The following SMYD3 variants were observed in gnomAD, a reference collection of about 807,000 sequenced individuals.
The protein encoded by SMYD3 is SET and MYND domain containing 3.
Under a neutral mutation model 57.7 loss-of-function variants are expected in SMYD3, and 36 were observed. The ratio of observed to expected loss-of-function variants is 0.62; its 90% CI spans 0.48 to 0.82. The LOEUF (loss-of-function observed/expected upper bound fraction) is 0.82. Among genes scored for constraint, SMYD3 ranks in the 40% least tolerant of loss-of-function variants. The pLI is 0.00. For synonymous variants in SMYD3, 211 were observed against 195.0 expected (o/e 1.08, Z -0.68); for missense variants, 515 against 538.8 (o/e 0.96, Z 0.44).
In SMYD3 at chr1:245,790,712, C is replaced by A. The variant is rs147364704; in HGVS notation, c.1077-26563G>T. Among the ~76,000 whole-genome samples, 435 of 152,320 alleles carry A rather than the reference C, an allele frequency of 2.9e-3. 3 individuals carry two copies. The highest frequency in any genetic ancestry group is 0.014 in the Middle Eastern group (4 of 294). On this transcript the variant is annotated intron_variant, in intron 10 of 11. Transcript: ENST00000490107. ...GTGTACTCTGTGATTCTTTGGCTAA[C>A]TGAACCATTTGCATGGACACTGCTA...
At chr1:246,229,032 G>A (rs1038445526) in intron 5 of SMYD3, among the ~76,000 whole-genome samples, 3 of 151,912 alleles carry the variant, frequency 2.0e-5, no homozygotes, top group African/African-American at 7.3e-5. Flanking sequence ...CAACCTAATG[G>A]GGCTGTAACA....
intron 5 of SMYD3, among the ~76,000 whole-genome samples, chr1:246,123,106 A>G (rs1454681119): frequency 6.6e-6 from 1 of 152,200 alleles, no homozygotes; most frequent in Admixed American, 6.5e-5. Flanking sequence ...TGAAAATTGA[A>G]TAACAATTAC....
chr1:245,870,204 G>C (rs1381831311), intron 8 of SMYD3, among the ~76,000 whole-genome samples: 1 of 152,164 alleles, frequency 6.6e-6, no homozygotes, highest in Non-Finnish European at 1.5e-5. Flanking sequence ...CAAGACAACA[G>C]GTTGTTCCTT....
chr1:245,783,327 C>T (rs1452413810), intron 10 of SMYD3, among the ~76,000 whole-genome samples: 3 of 152,152 alleles, frequency 2.0e-5, no homozygotes, highest in Non-Finnish European at 2.9e-5. Context: ...GATAAAAATA[C>T]ACTGGATTGT....
At chr1:246,289,957 C>T (rs1383346251) in intron 5 of SMYD3, among the ~76,000 whole-genome samples, 1 of 152,090 alleles carries the variant, frequency 6.6e-6, no homozygotes, top group East Asian at 1.9e-4. Context: ...AGTGTGTGGG[C>T]CTGTGAGGAA....
At chr1:246,217,552 A>C (rs2063184032) in intron 5 of SMYD3, among the ~76,000 whole-genome samples, 1 of 152,108 alleles carries the variant, frequency 6.6e-6, no homozygotes. Flanking sequence ...AAACAAAGAA[A>C]CAAAGATCAG....
intron 5 of SMYD3, among the ~76,000 whole-genome samples, chr1:246,221,702 G>C (rs2063257192): frequency 6.6e-6 from 1 of 152,220 alleles, no homozygotes. Flanking sequence ...GCAGCAGCTG[G>C]TGTGTCTGAC....
chr1:246,290,422 T>C (rs2064666806), intron 5 of SMYD3, among the ~76,000 whole-genome samples: 1 of 152,250 alleles, frequency 6.6e-6, no homozygotes, highest in African/African-American at 2.4e-5. Flanking sequence ...TCTTAAATTA[T>C]GAACTCCTTA....
chr1:246,262,728 T>C (rs1164483713), intron 5 of SMYD3, among the ~76,000 whole-genome samples: 3 of 152,210 alleles, frequency 2.0e-5, no homozygotes, highest in Non-Finnish European at 4.4e-5. Flanking sequence ...ACTGAATTAT[T>C]TGGTTAATTT....
At chr1:246,337,172 G>A (rs890456774) in intron 2 of SMYD3, among the ~76,000 whole-genome samples, 11 of 152,198 alleles carry the variant, frequency 7.2e-5, no homozygotes, top group Admixed American at 6.5e-5. Context: ...ACCAATGTGT[G>A]TAAGAGGCCT....
chr1:246,394,211 T>C (rs2066618958), intron 1 of SMYD3, among the ~76,000 whole-genome samples: 2 of 152,248 alleles, frequency 1.3e-5, no homozygotes, highest in Non-Finnish European at 2.9e-5. Context: ...AGCACAGCTA[T>C]GTAGTATGTA....
intron 1 of SMYD3, among the ~76,000 whole-genome samples, chr1:246,420,946 T>C (rs1225239066): frequency 6.6e-6 from 1 of 152,202 alleles, no homozygotes; most frequent in Non-Finnish European, 1.5e-5. Flanking sequence ...TTCTAGGCAG[T>C]CCAGTTACTA....
chr1:246,355,102 GA>G lies in SMYD3; in HGVS notation c.165-9del, dbSNP rs753061278. Reference sequence around the variant, plus strand: ...CGCATCAGCTTTTCCTTCCTGTGGGGAAAAAAATTAATTCTGCATTAAGAAA... The same window carrying G: ...CGCATCAGCTTTTCCTTCCTGTGGGGAAAAAATTAATTCTGCATTAAGAAA... On this transcript the variant is annotated splice_polypyrimidine_tract_variant and intron_variant, in intron 1 of 11. Coordinates refer to ENST00000490107, the MANE Select transcript of SMYD3 (RefSeq NM_001167740.2). This position sits in a 1 kb window ranked among gnomAD's most constrained non-coding sequence, Gnocchi z 5.0. 4 of 1,613,628 alleles carry G rather than the reference GA, an allele frequency of 2.5e-6. No individual in the cohort carries two copies. Among genetic ancestry groups the G allele is most frequent in the East Asian group, 2.2e-5 (1 of 44,880 alleles).
chr1:246,064,230 C>T (rs1197289313), intron 5 of SMYD3, among the ~76,000 whole-genome samples: 2 of 152,132 alleles, frequency 1.3e-5, no homozygotes, highest in Non-Finnish European at 2.9e-5. Context: ...AGGCTCTTTG[C>T]CGGGAAGGCT....
At chr1:246,363,919 A>C (rs866002898) in intron 1 of SMYD3, among the ~76,000 whole-genome samples, 48 of 152,100 alleles carry the variant, frequency 3.2e-4, no homozygotes, top group South Asian at 2.1e-3. Context: ...AATGATCAAT[A>C]AAAAAATAAA....
chr1:245,983,146 C>T lies in SMYD3; in HGVS notation c.532-53209G>A, dbSNP rs151040813. On this transcript the variant is annotated intron_variant, in intron 5 of 11. Transcript: ENST00000490107. Reference sequence around the variant, plus strand: ...TGAAGGTCTTCACAGAGACAAGATGCCTCATCTCCCTGGCCTTATTTTGTG... The same window carrying T: ...TGAAGGTCTTCACAGAGACAAGATGTCTCATCTCCCTGGCCTTATTTTGTG... Among the ~76,000 whole-genome samples the T allele has an allele frequency of 1.4e-3, 212 of 152,276 alleles. 2 individuals are homozygous for T. The highest frequency in any genetic ancestry group is 4.9e-3 in the African/African-American group (203 of 41,572).
At chr1:246,091,494 A>C (rs77968243) in intron 5 of SMYD3, among the ~76,000 whole-genome samples, 2 of 37,294 alleles carry the variant, frequency 5.4e-5, no homozygotes, top group Non-Finnish European at 1.3e-4. Flanking sequence ...CCTCAGCACA[A>C]AAAAAAAAAA....
At chr1:246,320,082 C>T (rs927424629) in intron 5 of SMYD3, among the ~76,000 whole-genome samples, 2 of 151,910 alleles carry the variant, frequency 1.3e-5, no homozygotes, top group African/African-American at 2.4e-5. Flanking sequence ...TATTAAATCG[C>T]GATTTCTTAT....
intron 1 of SMYD3, among the ~76,000 whole-genome samples, chr1:246,429,560 A>G (rs1558461146): frequency 6.6e-6 from 1 of 152,254 alleles, no homozygotes; most frequent in Non-Finnish European, 1.5e-5. Context: ...ACATAAGTCT[A>G]GGCTATGACT....
Sources: gnomAD v4.1 joint callset for allele counts (sites outside exome capture counted in the v4.1 genomes callset) on GRCh38, gnomAD v4.1.1 for gene constraint, Gnocchi (gnomAD v3.1) non-coding constraint, MANE v1.5 for transcripts, NCBI Gene and HGNC (gene_info 2026-07-23, HGNC 2026-07-21) for gene names.